Variants in DRC11 observed in about 807,000 individuals in gnomAD.
DRC11 encodes dynein regulatory complex subunit 11, also known as IQ and AAA domain-containing protein 1.
the DRC11 span, among the ~76,000 whole-genome samples, chr2:236,310,798 G>T: frequency 6.6e-6 from 1 of 152,202 alleles, no homozygotes; most frequent in East Asian, 1.9e-4. The surrounding 1 kb of genome is among the most constrained non-coding windows in gnomAD (Gnocchi z 5.5). Context: ...CAAAAGCTAG[G>T]CGAGGGTATT....
chr2:236,390,710 A>G, the DRC11 span, among the ~76,000 whole-genome samples: 3 of 152,022 alleles, frequency 2.0e-5, no homozygotes, highest in African/African-American at 7.3e-5. This position sits in a 1 kb window ranked among gnomAD's most constrained non-coding sequence, Gnocchi z 5.9. Context: ...CTACACCACA[A>G]AAGTGGAGAA....
the DRC11 span, chr2:236,344,465 G>C: frequency 3.7e-6 from 3 of 817,306 alleles, no homozygotes; most frequent in Non-Finnish European, 6.1e-6. Flanking sequence ...GCTTGAAAAG[G>C]CAAGACCTTC....
the DRC11 span, among the ~76,000 whole-genome samples, chr2:236,447,094 G>C: frequency 1.3e-5 from 2 of 151,510 alleles, no homozygotes; most frequent in African/African-American, 4.9e-5. The surrounding 1 kb of genome is among the most constrained non-coding windows in gnomAD (Gnocchi z 4.6). Flanking sequence ...TCTCATCTCT[G>C]TCTCCTTCCC....
the DRC11 span, among the ~76,000 whole-genome samples, chr2:236,476,403 A>C: frequency 6.6e-6 from 1 of 152,098 alleles, no homozygotes; most frequent in Non-Finnish European, 1.5e-5. The surrounding 1 kb of genome is among the most constrained non-coding windows in gnomAD (Gnocchi z 4.7). Flanking sequence ...TGATTTTTGC[A>C]TGCTGGTTTG....
the DRC11 span, among the ~76,000 whole-genome samples, chr2:236,477,576 T>C: frequency 3.3e-5 from 5 of 152,194 alleles, no homozygotes; most frequent in East Asian, 3.9e-4. Flanking sequence ...TGGTCTTTTC[T>C]TCTCCTTAAT....
chr2:236,308,476 G>A, the DRC11 span, among the ~76,000 whole-genome samples: 1 of 152,356 alleles, frequency 6.6e-6, no homozygotes, highest in South Asian at 2.1e-4. This position sits in a 1 kb window ranked among gnomAD's most constrained non-coding sequence, Gnocchi z 6.0. Flanking sequence ...ATCTCTGTGT[G>A]GGGATACTCG....
the DRC11 span, among the ~76,000 whole-genome samples, chr2:236,316,140 T>C: frequency 7.1e-6 from 1 of 141,678 alleles, no homozygotes; most frequent in Non-Finnish European, 1.5e-5. This position sits in a 1 kb window ranked among gnomAD's most constrained non-coding sequence, Gnocchi z 6.8. Flanking sequence ...TAAGAACTTA[T>C]TTTCTTCTCT....
At chr2:236,335,989 C>A in the DRC11 span, among the ~76,000 whole-genome samples, 1 of 152,102 alleles carries the variant, frequency 6.6e-6, no homozygotes. The surrounding 1 kb of genome is among the most constrained non-coding windows in gnomAD (Gnocchi z 5.6). Flanking sequence ...TGGGTCTAGT[C>A]CTTAAGATCT....
the DRC11 span, among the ~76,000 whole-genome samples, chr2:236,435,611 G>C: frequency 6.6e-6 from 1 of 152,194 alleles, no homozygotes; most frequent in Non-Finnish European, 1.5e-5. Context: ...GAGAGAAAAA[G>C]AGAGAGCACA....
the DRC11 span, among the ~76,000 whole-genome samples, chr2:236,414,175 CT>C: frequency 0.018 from 2,804 of 152,106 alleles, 83 homozygotes; most frequent in African/African-American, 0.063. Flanking sequence ...CCATCCATAG[CT>C]TTTTTTTCAT....
At chr2:236,323,293 G>A in the DRC11 span, among the ~76,000 whole-genome samples, 3 of 152,170 alleles carry the variant, frequency 2.0e-5, no homozygotes, top group African/African-American at 7.2e-5. The surrounding 1 kb of genome is among the most constrained non-coding windows in gnomAD (Gnocchi z 6.4). Flanking sequence ...GGGTGGGGGA[G>A]TCTGCCATTT....
chr2:236,400,740 G>A, the DRC11 span, among the ~76,000 whole-genome samples: 3 of 152,158 alleles, frequency 2.0e-5, no homozygotes, highest in Non-Finnish European at 2.9e-5. This position sits in a 1 kb window ranked among gnomAD's most constrained non-coding sequence, Gnocchi z 7.9. Flanking sequence ...GGGCTCTTCC[G>A]TTTCTGGGCT....
the DRC11 span, chr2:236,408,966 G>T: frequency 1.4e-6 from 1 of 709,598 alleles, no homozygotes. The surrounding 1 kb of genome is among the most constrained non-coding windows in gnomAD (Gnocchi z 5.5). Context: ...GACCGGCTTG[G>T]AAGGGTCATC....
At chr2:236,343,784 A>G in the DRC11 span, 3 of 1,291,882 alleles carry the variant, frequency 2.3e-6, no homozygotes, top group Non-Finnish European at 3.1e-6. The surrounding 1 kb of genome is among the most constrained non-coding windows in gnomAD (Gnocchi z 6.6). Context: ...CCCAGATTAA[A>G]TAATAAATGA....
the DRC11 span, among the ~76,000 whole-genome samples, chr2:236,371,015 AC>A: frequency 6.6e-6 from 1 of 152,172 alleles, no homozygotes; most frequent in Non-Finnish European, 1.5e-5. The surrounding 1 kb of genome is among the most constrained non-coding windows in gnomAD (Gnocchi z 5.1). Context: ...AAATCTCAAG[AC>A]TAAAAAAAGC....
At chr2:236,419,091 A>G in the DRC11 span, 5 of 1,487,108 alleles carry the variant, frequency 3.4e-6, no homozygotes, top group African/African-American at 1.4e-5. This position sits in a 1 kb window ranked among gnomAD's most constrained non-coding sequence, Gnocchi z 4.8. Flanking sequence ...CTCAAAGCAA[A>G]GAAGTCAATA....
the DRC11 span, among the ~76,000 whole-genome samples, chr2:236,361,877 T>G: frequency 6.6e-6 from 1 of 152,166 alleles, no homozygotes. This position sits in a 1 kb window ranked among gnomAD's most constrained non-coding sequence, Gnocchi z 5.7. Flanking sequence ...AAATGCACTT[T>G]AACTATAAAG....
At chr2:236,353,972 A>G in the DRC11 span, among the ~76,000 whole-genome samples, 11 of 152,182 alleles carry the variant, frequency 7.2e-5, no homozygotes, top group African/African-American at 2.7e-4. This position sits in a 1 kb window ranked among gnomAD's most constrained non-coding sequence, Gnocchi z 5.0. Context: ...AATACCTTTT[A>G]TGTACTTGCG....
chr2:236,456,522 G>A, the DRC11 span, among the ~76,000 whole-genome samples: 10 of 152,252 alleles, frequency 6.6e-5, no homozygotes, highest in East Asian at 9.7e-4. This position sits in a 1 kb window ranked among gnomAD's most constrained non-coding sequence, Gnocchi z 5.4. Flanking sequence ...TGAGGACCCC[G>A]ATAACCTCAA....
Sources: gnomAD v4.1 joint callset for allele counts (sites outside exome capture counted in the v4.1 genomes callset) on GRCh38, gnomAD v4.1.1 for gene constraint, Gnocchi (gnomAD v3.1) non-coding constraint, MANE v1.5 for transcripts, NCBI Gene and HGNC (gene_info 2026-07-23, HGNC 2026-07-21) for gene names.